TMTC1: variants seen among roughly 807,000 people sequenced by gnomAD.
The protein encoded by TMTC1 is protein O-mannosyl-transferase TMTC1.
Under a neutral mutation model 104.8 loss-of-function variants are expected in TMTC1, and 73 were observed. That is an observed-to-expected ratio of 0.70 (90% CI 0.58 to 0.85). The LOEUF (loss-of-function observed/expected upper bound fraction) is 0.85, where lower values mean the gene tolerates loss of function less well. TMTC1 is among the 40% of genes least tolerant of loss of function. The probability of loss-of-function intolerance (pLI) is 0.00; values close to 1 mark genes in which losing one functional copy is unlikely to be tolerated. For missense variants in TMTC1, 1,035 were observed against 1,096.1 expected (o/e 0.94, Z 0.79); for synonymous variants, 434 against 428.7 (o/e 1.01, Z -0.15).
intron 5 of TMTC1, among the ~76,000 whole-genome samples, chr12:29,635,070 T>C (rs892719869): frequency 3.9e-5 from 6 of 152,138 alleles, no homozygotes; most frequent in African/African-American, 1.2e-4. Flanking sequence ...GCTATTTAAA[T>C]GATGTTCAAC....
chr12:29,653,812 G>C (rs1034707809), intron 5 of TMTC1, among the ~76,000 whole-genome samples: 1 of 152,166 alleles, frequency 6.6e-6, no homozygotes, highest in African/African-American at 2.4e-5. Context: ...ACTCTGTAAG[G>C]AATCTACCTT....
chr12:29,582,117 C>A (rs61922183), intron 8 of TMTC1, among the ~76,000 whole-genome samples: 2 of 152,118 alleles, frequency 1.3e-5, no homozygotes, highest in East Asian at 3.8e-4. Context: ...GACATGCATG[C>A]CAGACTGACT....
intron 5 of TMTC1, among the ~76,000 whole-genome samples, chr12:29,705,925 G>A (rs1408198112): frequency 6.6e-6 from 1 of 151,794 alleles, no homozygotes; most frequent in African/African-American, 2.4e-5. Context: ...TCCCAAGAAT[G>A]TCTGCTTCGG....
chr12:29,634,005 T>C lies in TMTC1; in HGVS notation c.939-669A>G, dbSNP rs116799390. Among the ~76,000 whole-genome samples, 884 of 152,320 alleles carry C rather than the reference T, an allele frequency of 5.8e-3. 10 individuals are homozygous for C. Among genetic ancestry groups the C allele is most frequent in the African/African-American group, 0.021 (854 of 41,568 alleles). On this transcript the variant is annotated intron_variant, in intron 5 of 17. Transcript: ENST00000539277. ...CAGTCAACACACTTATTAAGCAGTG[T>C]TCTAGACCCTTGAGAACTGCACATA...
At position 29,685,882 on chromosome 12, in the gene TMTC1, C is replaced by T. The variant is rs185766353; in HGVS notation, c.939-52546G>A. ...AAAGTAAACAAACTACTCTTTAGCT[C>T]ATGCTTACTATGGTTTAAAACTGTA... On this transcript the variant is annotated intron_variant, in intron 5 of 17. Transcript: ENST00000539277. Among the ~76,000 whole-genome samples, 18 of 148,098 alleles carry T rather than the reference C, an allele frequency of 1.2e-4. 2 individuals carry two copies. The highest frequency in any genetic ancestry group is 4.5e-4 in the African/African-American group (18 of 39,958).
intron 5 of TMTC1, among the ~76,000 whole-genome samples, chr12:29,693,056 T>C (rs1176537077): frequency 6.9e-6 from 1 of 144,526 alleles, no homozygotes; most frequent in Non-Finnish European, 1.5e-5. Flanking sequence ...ATTATAAGAG[T>C]GAACCGTAGT....
At chr12:29,781,813 AGAGT>A (rs1320117157) in intron 1 of TMTC1, among the ~76,000 whole-genome samples, 5 of 152,254 alleles carry the variant, frequency 3.3e-5, no homozygotes, top group Non-Finnish European at 7.3e-5. Flanking sequence ...GCTGGAGGAC[AGAGT>A]GAGATCCCAT....
intron 5 of TMTC1, among the ~76,000 whole-genome samples, chr12:29,714,550 G>A (rs1391474182): frequency 6.6e-6 from 1 of 152,170 alleles, no homozygotes; most frequent in East Asian, 1.9e-4. Context: ...ACCATTGCTT[G>A]TGCACTGTCA....
intron 10 of TMTC1, among the ~76,000 whole-genome samples, chr12:29,556,155 C>T (rs1438418100): frequency 6.6e-6 from 1 of 152,036 alleles, no homozygotes; most frequent in Non-Finnish European, 1.5e-5. Context: ...TTAATAAACA[C>T]ACAAGATGCA....
At chr12:29,782,321 C>T (rs1337149333) in intron 1 of TMTC1, among the ~76,000 whole-genome samples, 2 of 152,210 alleles carry the variant, frequency 1.3e-5, no homozygotes, top group South Asian at 2.1e-4. Flanking sequence ...GAATTGTTGC[C>T]GATTGCTATG....
intron 11 of TMTC1, among the ~76,000 whole-genome samples, chr12:29,524,927 A>C (rs1026118697): frequency 3.3e-5 from 5 of 152,162 alleles, no homozygotes; most frequent in Non-Finnish European, 7.3e-5. Context: ...AAAAATTAAG[A>C]GAGGTAAGAG....
intron 1 of TMTC1, among the ~76,000 whole-genome samples, chr12:29,772,430 A>G (rs1043920841): frequency 3.3e-5 from 5 of 152,196 alleles, no homozygotes; most frequent in African/African-American, 1.2e-4. Context: ...CACATGGGCA[A>G]TAAGACAGTC....
chr12:29,513,319 G>T (rs1449303163), intron 16 of TMTC1, among the ~76,000 whole-genome samples: 1 of 150,432 alleles, frequency 6.6e-6, no homozygotes, highest in Non-Finnish European at 1.5e-5. Flanking sequence ...TGAATCAATG[G>T]CCATATATAT....
intron 5 of TMTC1, among the ~76,000 whole-genome samples, chr12:29,635,239 T>C (rs147875220): frequency 3.8e-4 from 58 of 152,164 alleles, no homozygotes; most frequent in African/African-American, 1.3e-3. Context: ...GCCTGCGACA[T>C]TGTCACCTGA....
At chr12:29,559,660 A>G (rs1945331278) in intron 9 of TMTC1, among the ~76,000 whole-genome samples, 1 of 152,156 alleles carries the variant, frequency 6.6e-6, no homozygotes, top group Non-Finnish European at 1.5e-5. Flanking sequence ...CTATGTTGGC[A>G]AAGATCCCCA....
chr12:29,759,949 A>T (rs1943304790), intron 2 of TMTC1, among the ~76,000 whole-genome samples: 1 of 152,172 alleles, frequency 6.6e-6, no homozygotes, highest in South Asian at 2.1e-4. Context: ...TTCAATAACA[A>T]CTTTCAGGTC....
intron 9 of TMTC1, chr12:29,568,948 G>C: frequency 2.2e-6 from 1 of 455,994 alleles, no homozygotes; most frequent in Non-Finnish European, 4.4e-6. Flanking sequence ...GTGTTTTTCT[G>C]AATCTCCAGC....
At position 29,758,639 on chromosome 12, in the gene TMTC1, T is replaced by C. The variant is rs567649860; in HGVS notation, c.554+65A>G. ...AGAAGCTTCTCTCCTCTCAGGCACA[T>C]GCTCCCAGTCTACACACACGGCACA... On this transcript the variant is annotated intron_variant, in intron 3 of 17. Coordinates refer to ENST00000539277, the MANE Select transcript of TMTC1 (RefSeq NM_001193451.2). 4.7e-5 allele frequency: 70 copies of C among 1,478,948 alleles called. No homozygotes were observed. In the East Asian group the frequency reaches 1.5e-3, roughly 31 times the overall value. The allele number at this position is 1,478,948 out of a possible 1,614,324, so 91.6% of individuals were successfully genotyped here.
At chr12:29,762,771 A>G (rs1943382004) in intron 2 of TMTC1, among the ~76,000 whole-genome samples, 1 of 152,236 alleles carries the variant, frequency 6.6e-6, no homozygotes, top group Non-Finnish European at 1.5e-5. Flanking sequence ...TGCATGACTC[A>G]AGAGACGAAT....
Sources: allele counts gnomAD v4.1 joint callset (sites outside exome capture counted in the v4.1 genomes callset), GRCh38; gene constraint gnomAD v4.1.1; transcripts MANE v1.5; gene names NCBI Gene and HGNC (gene_info 2026-07-23, HGNC 2026-07-21).